The following PALM2AKAP2 variants were observed in gnomAD, a reference collection of about 807,000 sequenced individuals.
The protein encoded by PALM2AKAP2 is PALM2 and AKAP2 fusion.
A neutral mutation model predicts 71.5 loss-of-function variants in PALM2AKAP2; 37 were observed. That is an observed-to-expected ratio of 0.52 (90% CI 0.40 to 0.68). The LOEUF is 0.68. Ranked by LOEUF, PALM2AKAP2 falls within the 30% of genes least tolerant of loss-of-function variation. PALM2AKAP2 has a pLI of 0.00. For missense variants in PALM2AKAP2, 1,224 were observed against 1,191.8 expected (o/e 1.03, Z -0.40); for synonymous variants, 468 against 478.8 (o/e 0.98, Z 0.29).
At chr9:110,131,487 C>A (rs1341537613) in intron 1 of PALM2AKAP2, among the ~76,000 whole-genome samples, 1 of 152,166 alleles carries the variant, frequency 6.6e-6, no homozygotes, top group East Asian at 1.9e-4. Flanking sequence ...AAATTCTGGA[C>A]CTTCTTATCT....
At chr9:109,867,636 G>A in intron 2 of PALM2AKAP2, 65 bp downstream of exon 2, 1 of 1,535,576 alleles carries the variant, frequency 6.5e-7, no homozygotes, top group South Asian at 1.2e-5. Flanking sequence ...CGGAGAGCTG[G>A]GCAGTGCCTG....
At chr9:109,646,980 C>T (rs187426804) in intron 1 of PALM2AKAP2, among the ~76,000 whole-genome samples, 25 of 152,300 alleles carry the variant, frequency 1.6e-4, no homozygotes, top group African/African-American at 3.4e-4. Flanking sequence ...TCAAATATTA[C>T]GGAAGTTTAT....
intron 1 of PALM2AKAP2, among the ~76,000 whole-genome samples, chr9:109,666,692 G>A (rs1827490518): frequency 6.6e-6 from 1 of 152,198 alleles, no homozygotes; most frequent in South Asian, 2.1e-4. Context: ...CTCCTTATGG[G>A]TCTGGCACCC....
intron 1 of PALM2AKAP2, among the ~76,000 whole-genome samples, chr9:110,091,459 C>CTTTGTTTTTTTTTT (rs1834706525): frequency 1.2e-5 from 1 of 83,656 alleles, no homozygotes; most frequent in Non-Finnish European, 2.1e-5. Context: ...GAGATTTATT[C>CTTTGTTTTTTTTTT]TTTTTTTTTT....
intron 1 of PALM2AKAP2, among the ~76,000 whole-genome samples, chr9:109,825,591 CT>C (rs1294458593): frequency 6.6e-6 from 1 of 152,194 alleles, no homozygotes; most frequent in Non-Finnish European, 1.5e-5. Flanking sequence ...GACATTTATG[CT>C]GCCAAAAGAC....
chr9:109,774,944 A>G (rs934210109), intron 1 of PALM2AKAP2, among the ~76,000 whole-genome samples: 1 of 152,234 alleles, frequency 6.6e-6, no homozygotes, highest in Admixed American at 6.5e-5. Flanking sequence ...AACTTTTGTC[A>G]TTAACAGGAC....
At chr9:109,852,934 T>A (rs1036477585) in intron 1 of PALM2AKAP2, among the ~76,000 whole-genome samples, 2 of 152,178 alleles carry the variant, frequency 1.3e-5, no homozygotes, top group African/African-American at 4.8e-5. Context: ...TAGTCTTTTG[T>A]CAGATGCATG....
chr9:109,672,227 T>G (rs1827584037), intron 1 of PALM2AKAP2, among the ~76,000 whole-genome samples: 1 of 152,194 alleles, frequency 6.6e-6, no homozygotes, highest in African/African-American at 2.4e-5. Flanking sequence ...CAGTATGATA[T>G]TGGCTGTGGG....
At chr9:109,893,346 G>T (rs955648599) in intron 3 of PALM2AKAP2, among the ~76,000 whole-genome samples, 2 of 152,202 alleles carry the variant, frequency 1.3e-5, no homozygotes, top group African/African-American at 4.8e-5. Flanking sequence ...GAAGAAATAG[G>T]ACAATATGAT....
intron 7 of PALM2AKAP2, among the ~76,000 whole-genome samples, chr9:110,040,285 G>C (rs1040601525): frequency 4.6e-5 from 7 of 152,226 alleles, no homozygotes; most frequent in African/African-American, 1.7e-4. Context: ...CCTTATAATC[G>C]TAATAGTTAC....
intron 1 of PALM2AKAP2, among the ~76,000 whole-genome samples, chr9:109,748,601 CTGTCATG>C (rs1338821330): frequency 6.6e-6 from 1 of 152,160 alleles, no homozygotes; most frequent in Non-Finnish European, 1.5e-5. Flanking sequence ...ATTGCATGTA[CTGTCATG>C]TGTCCTATCT....
chr9:109,889,565 C>T (rs185040484), intron 3 of PALM2AKAP2, among the ~76,000 whole-genome samples: 6 of 152,312 alleles, frequency 3.9e-5, no homozygotes, highest in Non-Finnish European at 7.4e-5. Context: ...AAAAAGCCCT[C>T]TTCACTGACT....
intron 3 of PALM2AKAP2, among the ~76,000 whole-genome samples, chr9:110,158,330 G>C (rs112933067): frequency 6.6e-6 from 1 of 152,254 alleles, no homozygotes; most frequent in African/African-American, 2.4e-5. Context: ...ATTTAGCCAA[G>C]TGGGTGCCCC....
chr9:109,691,937 T>C (rs1308930172), intron 1 of PALM2AKAP2, among the ~76,000 whole-genome samples: 11 of 134,838 alleles, frequency 8.2e-5, no homozygotes, highest in African/African-American at 2.8e-4. Context: ...CATATATATA[T>C]ATACACATAT....
Position 109,855,709 on chromosome 9 carries a change from T to C in PALM2AKAP2, c.46-11782T>C, listed in dbSNP as rs901744908. 4.9e-4 allele frequency among the ~76,000 whole-genome samples: 75 copies of C among 152,196 alleles called. 1 individual carries two copies. Among genetic ancestry groups the C allele is most frequent in the Admixed American group, 4.8e-3 (74 of 15,278 alleles). On this transcript the variant is annotated intron_variant, in intron 1 of 9. Transcript: ENST00000302798. ...TGAAAAATTTTCTACTTTTAAACCA[T>C]TGGAGGACAGCAATGACCACAAAAG...
At chr9:109,673,004 T>C (rs1397746798) in intron 1 of PALM2AKAP2, among the ~76,000 whole-genome samples, 2 of 152,132 alleles carry the variant, frequency 1.3e-5, no homozygotes, top group African/African-American at 4.8e-5. Flanking sequence ...TCTTTATTAG[T>C]CTAGCTAGCA....
At chr9:109,846,090 G>A (rs749332368) in intron 1 of PALM2AKAP2, among the ~76,000 whole-genome samples, 9 of 152,128 alleles carry the variant, frequency 5.9e-5, no homozygotes, top group Non-Finnish European at 1.2e-4. Flanking sequence ...GAATCAGGGT[G>A]ATGGCTTTTC....
chr9:109,665,614 G>A (rs28808893), intron 1 of PALM2AKAP2, among the ~76,000 whole-genome samples: 29,651 of 152,054 alleles, frequency 0.2, 3,476 homozygotes, highest in African/African-American at 0.33. Context: ...ACCCCTACTG[G>A]GAGGTGTCTC....
chr9:109,884,005 G>A (rs1829910456), intron 3 of PALM2AKAP2, among the ~76,000 whole-genome samples: 1 of 152,248 alleles, frequency 6.6e-6, no homozygotes. Context: ...ACCAAGGGAA[G>A]AGACAGCCAG....
Sources: allele counts gnomAD v4.1 joint callset (sites outside exome capture counted in the v4.1 genomes callset), GRCh38; gene constraint gnomAD v4.1.1; transcripts MANE v1.5; gene names NCBI Gene and HGNC (gene_info 2026-07-23, HGNC 2026-07-21).